GALNT18: variants seen among roughly 807,000 people sequenced by gnomAD.
GALNT18 encodes the protein polypeptide N-acetylgalactosaminyltransferase 18.
A neutral mutation model predicts 69.5 loss-of-function variants in GALNT18; 44 were observed. That is an observed-to-expected ratio of 0.63 (90% CI 0.50 to 0.81). The LOEUF (loss-of-function observed/expected upper bound fraction) is 0.81, where lower values mean the gene tolerates loss of function less well. Among genes scored for constraint, GALNT18 ranks in the 40% least tolerant of loss-of-function variants. GALNT18 has a pLI of 0.00. For missense variants in GALNT18, 715 were observed against 810.0 expected (o/e 0.88, Z 1.42); for synonymous variants, 364 against 318.2 (o/e 1.14, Z -1.53).
At chr11:11,565,394 C>T (rs1392109715) in intron 1 of GALNT18, among the ~76,000 whole-genome samples, 1 of 152,196 alleles carries the variant, frequency 6.6e-6, no homozygotes, top group Non-Finnish European at 1.5e-5. Context: ...GGGAAGGGTT[C>T]TGGTATGCCT....
chr11:11,442,439 C>T (rs1191971976), intron 2 of GALNT18, among the ~76,000 whole-genome samples: 1 of 152,134 alleles, frequency 6.6e-6, no homozygotes, highest in African/African-American at 2.4e-5. Context: ...CTTTGGGAGG[C>T]CATTATTCTG....
chr11:11,617,722 G>A lies in GALNT18; in HGVS notation c.235+3637C>T, dbSNP rs1860091049. ...AGAAAGCTACTAAGAAAAGAAGAAA[G>A]CTATCTTTATTTTTACTGAATTTCC... On this transcript the variant is annotated intron_variant, in intron 1 of 10. Coordinates refer to ENST00000227756, the MANE Select transcript of GALNT18 (RefSeq NM_198516.3). This position sits in a 1 kb window ranked among gnomAD's most constrained non-coding sequence, Gnocchi z 4.7. Among the ~76,000 whole-genome samples, 1 of 152,126 alleles carries A rather than the reference G, an allele frequency of 6.6e-6. No individual in the cohort carries two copies. Among genetic ancestry groups the A allele is most frequent in the Admixed American group, 6.5e-5 (1 of 15,280 alleles).
rs1283359400 is a variant in GALNT18, at chr11:11,616,900, C to T, written c.235+4459G>A. Among the ~76,000 whole-genome samples, 1 of 152,172 alleles carries T rather than the reference C, an allele frequency of 6.6e-6. No homozygotes were observed. The highest frequency in any genetic ancestry group is 2.4e-5 in the African/African-American group (1 of 41,436). On this transcript the variant is annotated intron_variant, in intron 1 of 10. Coordinates refer to ENST00000227756, the MANE Select transcript of GALNT18 (RefSeq NM_198516.3). This position sits in a 1 kb window ranked among gnomAD's most constrained non-coding sequence, Gnocchi z 4.4. ...ATTACTTTAAGTTCTAAGTGCTTTG[C>T]AAAGGTTTTATAAACGGTAGTCAGT...
intron 9 of GALNT18, among the ~76,000 whole-genome samples, chr11:11,308,862 T>C (rs1192388834): frequency 6.6e-6 from 1 of 152,138 alleles, no homozygotes; most frequent in Non-Finnish European, 1.5e-5. Flanking sequence ...TGGCCTCAAT[T>C]CTGGGGTGGT....
intron 2 of GALNT18, among the ~76,000 whole-genome samples, chr11:11,440,798 T>C (rs1410155527): frequency 1.3e-5 from 2 of 152,178 alleles, no homozygotes; most frequent in Non-Finnish European, 2.9e-5. Context: ...AAAAGTTAAA[T>C]AGCAGTTCCT....
intron 9 of GALNT18, among the ~76,000 whole-genome samples, chr11:11,321,533 C>T (rs1849839146): frequency 6.6e-6 from 1 of 152,210 alleles, no homozygotes; most frequent in Non-Finnish European, 1.5e-5. Context: ...ACTTCACTGT[C>T]CTTTCCTAAC....
intron 9 of GALNT18, among the ~76,000 whole-genome samples, chr11:11,296,498 G>C (rs1382583255): frequency 6.6e-6 from 1 of 152,188 alleles, no homozygotes; most frequent in Non-Finnish European, 1.5e-5. Flanking sequence ...GGGGATGTGG[G>C]CTGTGAGACA....
intron 1 of GALNT18, among the ~76,000 whole-genome samples, chr11:11,472,319 C>T (rs541585231): frequency 2.0e-5 from 3 of 152,140 alleles, no homozygotes; most frequent in African/African-American, 7.2e-5. Context: ...AGGGGTCACA[C>T]GGGGACAGGG....
intron 10 of GALNT18, among the ~76,000 whole-genome samples, chr11:11,290,795 C>T (rs531774363): frequency 1.3e-5 from 2 of 152,136 alleles, no homozygotes; most frequent in Admixed American, 6.5e-5. Flanking sequence ...ACCCAGAGGC[C>T]CAGCAGGTCT....
intron 1 of GALNT18, among the ~76,000 whole-genome samples, chr11:11,580,446 C>A (rs1053923970): frequency 6.6e-6 from 1 of 152,216 alleles, no homozygotes. Context: ...CCAGACTGTT[C>A]CTCCACTTAA....
chr11:11,411,320 G>T (rs1206379525), intron 3 of GALNT18, among the ~76,000 whole-genome samples: 1 of 152,120 alleles, frequency 6.6e-6, no homozygotes, highest in East Asian at 1.9e-4. Context: ...CTACACACGA[G>T]GAGTGATCTG....
At chr11:11,427,277 G>A (rs1168232866) in intron 3 of GALNT18, among the ~76,000 whole-genome samples, 4 of 152,204 alleles carry the variant, frequency 2.6e-5, no homozygotes, top group African/African-American at 9.7e-5. Flanking sequence ...CTGAGCGAGA[G>A]CTAAAGGTCT....
rs530615373 is a variant in GALNT18 at position 11,579,537 on chromosome 11, C to T, written c.235+41822G>A. ...TTCTATCCCTGTCCTACCCATCAGG[C>T]CTCTAGCCTCTGGAACCCCGCCAGG... is the stretch of plus-strand genomic sequence containing the variant. On this transcript the variant is annotated intron_variant, in intron 1 of 10. Coordinates refer to ENST00000227756, the MANE Select transcript of GALNT18 (RefSeq NM_198516.3). 2.2e-4 allele frequency among the ~76,000 whole-genome samples: 34 copies of T among 152,300 alleles called. No individual in the cohort carries two copies. In the South Asian group the frequency reaches 6.6e-3, roughly 30 times the overall value.
intron 1 of GALNT18, among the ~76,000 whole-genome samples, chr11:11,548,456 T>C (rs1858115325): frequency 6.6e-6 from 1 of 152,206 alleles, no homozygotes; most frequent in Non-Finnish European, 1.5e-5. Context: ...AAGACCTACT[T>C]GTCCCAGCTA....
rs192302742 is a variant in GALNT18 at position 11,382,017 on chromosome 11, C to A, written c.596-2753G>T. 5.9e-5 allele frequency among the ~76,000 whole-genome samples: 9 copies of A among 152,302 alleles called. No homozygotes were observed. The highest frequency in any genetic ancestry group is 2.2e-4 in the African/African-American group (9 of 41,566). On this transcript the variant is annotated intron_variant, in intron 3 of 10. Transcript: ENST00000227756. The surrounding 1 kb of genome is among the most constrained non-coding windows in gnomAD (Gnocchi z 4.3). ...GAAATGCAATCAGAGGAAGAATGAGCTTTGAGGGGTGGCAGCAAGAGATGG... is the reference window on the plus strand; with the variant it reads ...GAAATGCAATCAGAGGAAGAATGAGATTTGAGGGGTGGCAGCAAGAGATGG...
At position 11,339,757 on chromosome 11, in the gene GALNT18, C is replaced by A. The variant is rs1355986415; in HGVS notation, c.1278+1062G>T. 6.6e-6 allele frequency among the ~76,000 whole-genome samples: 1 copy of A among 152,202 alleles called. No individual in the cohort carries two copies. Among genetic ancestry groups the A allele is most frequent in the Non-Finnish European group, 1.5e-5 (1 of 68,038 alleles). ...CTGATTGTGGGAGTATGCAACCCAACTCAAGTTCCCCTCTCCTACGGTGGT... is the reference window on the plus strand; with the variant it reads ...CTGATTGTGGGAGTATGCAACCCAAATCAAGTTCCCCTCTCCTACGGTGGT... On this transcript the variant is annotated intron_variant, in intron 7 of 10. Transcript: ENST00000227756. The surrounding 1 kb of genome is among the most constrained non-coding windows in gnomAD (Gnocchi z 5.2).
chr11:11,492,468 T>C (rs757946646), intron 1 of GALNT18, among the ~76,000 whole-genome samples: 4 of 152,190 alleles, frequency 2.6e-5, no homozygotes, highest in South Asian at 4.1e-4. Context: ...TTCTGCACTA[T>C]TTACAATAGC....
chr11:11,392,574 G>A (rs1015243583), intron 3 of GALNT18, among the ~76,000 whole-genome samples: 9 of 152,132 alleles, frequency 5.9e-5, no homozygotes, highest in African/African-American at 2.2e-4. Context: ...AGCAGAGATC[G>A]CGCCATCACA....
intron 1 of GALNT18, among the ~76,000 whole-genome samples, chr11:11,504,932 C>G (rs907210206): frequency 2.0e-5 from 3 of 152,132 alleles, no homozygotes; most frequent in Admixed American, 2.0e-4. Context: ...TATTGACTGC[C>G]TCATCTGGGG....
Sources: allele counts gnomAD v4.1 joint callset (sites outside exome capture counted in the v4.1 genomes callset), GRCh38; gene constraint gnomAD v4.1.1; non-coding constraint Gnocchi (gnomAD v3.1); transcripts MANE v1.5; gene names NCBI Gene and HGNC (gene_info 2026-07-23, HGNC 2026-07-21).